SLCO3A1: variants seen among roughly 807,000 people sequenced by gnomAD.
SLCO3A1 encodes the protein solute carrier organic anion transporter family member 3A1.
In SLCO3A1, 27 loss-of-function variants were observed where a neutral mutation model predicts 63.1. The ratio of observed to expected loss-of-function variants is 0.43; its 90% CI spans 0.32 to 0.59. SLCO3A1 has a LOEUF of 0.59. Among genes scored for constraint, SLCO3A1 ranks in the 20% least tolerant of loss-of-function variants. The pLI, the probability that SLCO3A1 is intolerant of heterozygous loss-of-function variation, is 0.09. For synonymous variants in SLCO3A1, 473 were observed against 409.9 expected (o/e 1.15, Z -1.86); for missense variants, 773 against 945.8 (o/e 0.82, Z 2.40).
chr15:92,132,323 G>C (rs1019182835), intron 7 of SLCO3A1, among the ~76,000 whole-genome samples: 2 of 144,818 alleles, frequency 1.4e-5, no homozygotes, highest in African/African-American at 5.0e-5. Flanking sequence ...TTTTCTTCCT[G>C]CTCTGGATTG....
rs1392665919 is a variant in SLCO3A1 at position 91,856,877 on chromosome 15, G to T, written c.180+2789G>T. On this transcript the variant is annotated intron_variant, in intron 1 of 9. Coordinates refer to ENST00000318445, the MANE Select transcript of SLCO3A1 (RefSeq NM_013272.4). This position sits in a 1 kb window ranked among gnomAD's most constrained non-coding sequence, Gnocchi z 4.9. ...CCACCTTCTTATTTCATCTCCCCAG[G>T]TGCCTTAAAATATTGCAGTTTCATT... is the stretch of plus-strand genomic sequence containing the variant. Among the ~76,000 whole-genome samples the T allele has an allele frequency of 6.6e-6, 1 of 152,028 alleles. No individual in the cohort carries two copies. The highest frequency in any genetic ancestry group is 1.5e-5 in the Non-Finnish European group (1 of 68,008).
intron 2 of SLCO3A1, among the ~76,000 whole-genome samples, chr15:92,054,570 C>T (rs1301131195): frequency 6.6e-6 from 1 of 152,254 alleles, no homozygotes; most frequent in South Asian, 2.1e-4. Flanking sequence ...GTATTAAGCC[C>T]CATATGCATT....
Position 92,163,143 on chromosome 15 carries a change from A to G in SLCO3A1, c.*8A>G. The G allele has an allele frequency of 2.0e-6, 3 of 1,507,568 alleles. No individual in the cohort carries two copies. Among genetic ancestry groups the G allele is most frequent in the Non-Finnish European group, 2.7e-6 (3 of 1,130,562 alleles). 93.4% of individuals were successfully genotyped at this position (1,507,568 alleles called of 1,614,324 possible). A position where few individuals can be genotyped will look rare whatever the true frequency, so the allele number is the denominator to read the frequency against. Reference sequence around the variant, plus strand: ...ATGGAGTCCGTTTTATAGTGACTAAAGGAGGGCTGAACTCTGTATTAGTAA... The same window carrying G: ...ATGGAGTCCGTTTTATAGTGACTAAGGGAGGGCTGAACTCTGTATTAGTAA... On this transcript the variant is annotated 3_prime_UTR_variant, in exon 10 of 10. Transcript: ENST00000318445.
intron 5 of SLCO3A1, among the ~76,000 whole-genome samples, chr15:92,124,765 G>C (rs1410173333): frequency 2.0e-5 from 3 of 152,138 alleles, no homozygotes; most frequent in Non-Finnish European, 4.4e-5. Context: ...TCTCTACATA[G>C]GGTGGCCTGG....
intron 1 of SLCO3A1, among the ~76,000 whole-genome samples, chr15:91,913,707 G>C (rs1035840540): frequency 5.9e-5 from 9 of 152,202 alleles, no homozygotes; most frequent in African/African-American, 2.2e-4. Context: ...AGAGGTTGTA[G>C]ATGCATGGAC....
At position 92,078,785 on chromosome 15, in the gene SLCO3A1, G is replaced by A. The variant is rs1201684255; in HGVS notation, c.647-16096G>A. On this transcript the variant is annotated intron_variant, in intron 2 of 9. Transcript: ENST00000318445. ...GTGTATCTGCGCATAGGGTTGTGGC[G>A]ACGATTAAATGAGGTAGTACATGGA... is the stretch of plus-strand genomic sequence containing the variant. Among the ~76,000 whole-genome samples the A allele has an allele frequency of 5.3e-5, 8 of 152,090 alleles. No homozygotes were observed. In the South Asian group the frequency reaches 1.5e-3, roughly 28 times the overall value.
intron 2 of SLCO3A1, among the ~76,000 whole-genome samples, chr15:91,970,780 C>T (rs540237381): frequency 1.3e-5 from 2 of 152,212 alleles, no homozygotes; most frequent in African/African-American, 4.8e-5. Flanking sequence ...TTCTGACAGG[C>T]GGCAGTCTTC....
intron 3 of SLCO3A1, 84 bp downstream of exon 3, chr15:92,095,063 AC>A: frequency 1.1e-6 from 1 of 915,994 alleles, no homozygotes; most frequent in Non-Finnish European, 1.8e-6. Context: ...GGGTTCTAAA[AC>A]CTTCTTGCTA....
rs188766187 is a variant in SLCO3A1 at position 92,005,744 on chromosome 15, C to T, written c.647-89137C>T. Among the ~76,000 whole-genome samples, 2 of 152,256 alleles carry T rather than the reference C, an allele frequency of 1.3e-5. 1 individual carries two copies. Among genetic ancestry groups the T allele is most frequent in the East Asian group, 3.9e-4 (2 of 5,172 alleles). On this transcript the variant is annotated intron_variant, in intron 2 of 9. Coordinates refer to ENST00000318445, the MANE Select transcript of SLCO3A1 (RefSeq NM_013272.4). ...TACGCTAGCTCACTTTTACACAACCCGATAGATTTCTTGATGTTATGCACT... is the reference window on the plus strand; with the variant it reads ...TACGCTAGCTCACTTTTACACAACCTGATAGATTTCTTGATGTTATGCACT...
chr15:91,959,787 C>T (rs1365112959), intron 2 of SLCO3A1, among the ~76,000 whole-genome samples: 1 of 150,750 alleles, frequency 6.6e-6, no homozygotes, highest in Non-Finnish European at 1.5e-5. Flanking sequence ...TTAGTGTATT[C>T]ATAGAGTTGT....
chr15:92,115,923 A>G (rs1308955654), intron 4 of SLCO3A1, among the ~76,000 whole-genome samples: 1 of 150,668 alleles, frequency 6.6e-6, no homozygotes, highest in Non-Finnish European at 1.5e-5. Context: ...TGCTATTACT[A>G]TCATTATTTC....
intron 1 of SLCO3A1, among the ~76,000 whole-genome samples, chr15:91,911,854 T>C (rs1898497357): frequency 6.6e-6 from 1 of 152,098 alleles, no homozygotes; most frequent in South Asian, 2.1e-4. Flanking sequence ...CTCGATCTCT[T>C]GACCTTGTGA....
chr15:92,037,732 C>G (rs1228336149), intron 2 of SLCO3A1, among the ~76,000 whole-genome samples: 1 of 152,234 alleles, frequency 6.6e-6, no homozygotes, highest in African/African-American at 2.4e-5. Context: ...TTGATGTTAT[C>G]TACAGATTAC....
intron 2 of SLCO3A1, among the ~76,000 whole-genome samples, chr15:92,009,310 A>G (rs1297230257): frequency 1.3e-5 from 2 of 152,222 alleles, no homozygotes; most frequent in African/African-American, 2.4e-5. Context: ...CCACAGCTCA[A>G]CCACGAGAGA....
At chr15:91,963,404 A>AGGTCG (rs1900526787) in intron 2 of SLCO3A1, among the ~76,000 whole-genome samples, 1 of 3,154 alleles carries the variant, frequency 3.2e-4, no homozygotes, top group Non-Finnish European at 6.5e-4. Flanking sequence ...TAACTCGGGG[A>AGGTCG]GGGTGGGGGG....
chr15:91,981,770 CAG>C (rs2045990817), intron 2 of SLCO3A1, among the ~76,000 whole-genome samples: 1 of 152,178 alleles, frequency 6.6e-6, no homozygotes, highest in African/African-American at 2.4e-5. Context: ...CCCCCTGCCA[CAG>C]AGTGTGGACA....
chr15:91,898,579 A>G (rs1431314589), intron 1 of SLCO3A1, among the ~76,000 whole-genome samples: 1 of 152,164 alleles, frequency 6.6e-6, no homozygotes. Context: ...AGCTAAAGGA[A>G]TTTAACATTT....
At chr15:91,892,984 A>G (rs1387942341) in intron 1 of SLCO3A1, among the ~76,000 whole-genome samples, 1 of 152,258 alleles carries the variant, frequency 6.6e-6, no homozygotes, top group Non-Finnish European at 1.5e-5. Flanking sequence ...TTAGTATGAT[A>G]CTTGGCTAGT....
intron 2 of SLCO3A1, among the ~76,000 whole-genome samples, chr15:92,057,441 G>A (rs1414841339): frequency 1.3e-5 from 2 of 152,182 alleles, no homozygotes. Context: ...ATCACACACA[G>A]TCCTTGGAAA....
Sources: gnomAD v4.1 joint callset for allele counts (sites outside exome capture counted in the v4.1 genomes callset) on GRCh38, gnomAD v4.1.1 for gene constraint, Gnocchi (gnomAD v3.1) non-coding constraint, MANE v1.5 for transcripts, NCBI Gene and HGNC (gene_info 2026-07-23, HGNC 2026-07-21) for gene names.